BMX: variants seen among roughly 807,000 people sequenced by gnomAD.
BMX encodes the protein BMX non-receptor tyrosine kinase, also known as cytoplasmic tyrosine-protein kinase BMX.
A neutral mutation model predicts 59.2 loss-of-function variants in BMX; 31 were observed. The observed-to-expected ratio is 0.52, with a 90% confidence interval of 0.39 to 0.71. The LOEUF is 0.71. Ranked by LOEUF, BMX falls within the 30% of genes least tolerant of loss-of-function variation. The pLI, the probability that BMX is intolerant of heterozygous loss-of-function variation, is 0.00. For synonymous variants in BMX, 185 were observed against 181.0 expected (o/e 1.02, Z -0.18); for missense variants, 474 against 491.7 (o/e 0.96, Z 0.34).
rs183382930 is a variant in BMX at position 15,539,911 on chromosome X, T to A, written c.1395-2071T>A. 1.7e-3 allele frequency among the ~76,000 whole-genome samples: 186 copies of A among 112,109 alleles called. 2 individuals carry two copies. The highest frequency in any genetic ancestry group is 1.1e-3 in the East Asian group (4 of 3,534). ...TTCACGCCATTTAGAATGGCAATCA[T>A]TAAAAAGCCAGGAAACAACAGATGC... On this transcript the variant is annotated intron_variant, in intron 14 of 18. Transcript: ENST00000348343.
At chrX:15,539,430 C>T (rs772660582) in intron 14 of BMX, among the ~76,000 whole-genome samples, 1 of 111,169 alleles carries the variant, frequency 9.0e-6, no homozygotes, top group African/African-American at 3.3e-5. Context: ...TGGGCAGTGA[C>T]TGAATTTGTT....
chrX:15,504,847 G>T (rs1440496594), intron 1 of BMX, among the ~76,000 whole-genome samples: 1 of 111,777 alleles, frequency 8.9e-6, no homozygotes, highest in East Asian at 2.8e-4. Flanking sequence ...CAAATTGATA[G>T]GTCTATTCTA....
chrX:15,521,013 TCACA>T (rs1206885033), intron 6 of BMX, among the ~76,000 whole-genome samples: 1 of 107,234 alleles, frequency 9.3e-6, no homozygotes, highest in African/African-American at 3.8e-5. Flanking sequence ...TCTCTTTCTG[TCACA>T]CACGCACACA....
At chrX:15,554,788 C>T (rs757218197) in intron 18 of BMX, among the ~76,000 whole-genome samples, 21 of 111,328 alleles carry the variant, frequency 1.9e-4, no homozygotes, top group Non-Finnish European at 3.6e-4. Flanking sequence ...GTTGGCAGCC[C>T]TATTTATTAA....
At chrX:15,550,934 A>T (rs1432116657) in intron 18 of BMX, among the ~76,000 whole-genome samples, 5 of 111,324 alleles carry the variant, frequency 4.5e-5, no homozygotes, top group Non-Finnish European at 9.4e-5. Context: ...TTTCCTAAGT[A>T]TGTGAGTGGA....
chrX:15,508,747 C>T (rs927451698), intron 2 of BMX, among the ~76,000 whole-genome samples: 1 of 112,015 alleles, frequency 8.9e-6, no homozygotes, highest in African/African-American at 3.2e-5. Context: ...GGCATTTTTG[C>T]TCCCCAGGTG....
chrX:15,526,936 G>T (rs1183635216), intron 9 of BMX, among the ~76,000 whole-genome samples: 1 of 109,326 alleles, frequency 9.1e-6, no homozygotes, highest in Non-Finnish European at 1.9e-5. Flanking sequence ...GAGAAAAAGT[G>T]CACTATTAAA....
At chrX:15,533,091 C>T (rs768492834) in intron 11 of BMX, among the ~76,000 whole-genome samples, 7 of 112,726 alleles carry the variant, frequency 6.2e-5, no homozygotes, top group Non-Finnish European at 1.3e-4. Context: ...TGTATGCTGA[C>T]ACCAAAAGCT....
At chrX:15,531,044 C>T (rs1235061147) in intron 10 of BMX, among the ~76,000 whole-genome samples, 2 of 110,790 alleles carry the variant, frequency 1.8e-5, no homozygotes, top group African/African-American at 6.6e-5. Context: ...CGGTGATACA[C>T]GGTTCTAAAT....
At chrX:15,538,184 CCTCTTCCTCTCTCTCCTTCTCTCTCT>C (rs1416400669) in intron 14 of BMX, among the ~76,000 whole-genome samples, 109 of 107,358 alleles carry the variant, frequency 1.0e-3, no homozygotes, top group Non-Finnish European at 1.7e-3. Flanking sequence ...CCTCTCTCTC[CCTCTTCCTCTCTCTCCTTCTCTCTCT>C]CTCTCCCTCT....
At chrX:15,548,294 TA>T (rs1316017563) in intron 17 of BMX, among the ~76,000 whole-genome samples, 2 of 110,305 alleles carry the variant, frequency 1.8e-5, no homozygotes, top group African/African-American at 6.6e-5. Flanking sequence ...TCGTCTCTAC[TA>T]AAAACACAAA....
chrX:15,501,830 T>G (rs1014348524), intron 1 of BMX, among the ~76,000 whole-genome samples: 2 of 111,552 alleles, frequency 1.8e-5, no homozygotes, highest in Non-Finnish European at 3.8e-5. Context: ...GGATGGAAAG[T>G]CTGCGACAAA....
chrX:15,553,954 A>G (rs773343640), intron 18 of BMX, among the ~76,000 whole-genome samples: 3 of 112,456 alleles, frequency 2.7e-5, no homozygotes, highest in Non-Finnish European at 5.6e-5. Flanking sequence ...CACTGAGACG[A>G]CAATATCCAG....
At chrX:15,506,201 G>C (rs1327563459) in intron 1 of BMX, among the ~76,000 whole-genome samples, 1 of 111,528 alleles carries the variant, frequency 9.0e-6, no homozygotes, top group Non-Finnish European at 1.9e-5. Flanking sequence ...GCCCTGCCTA[G>C]GTGTGAAAGT....
chrX:15,518,089 A>C (rs1237167099), intron 6 of BMX, 96 bp downstream of exon 6: 15 of 706,778 alleles, frequency 2.1e-5, no homozygotes. Flanking sequence ...GAATTCATTT[A>C]GACTTCTCAG....
At chrX:15,531,464 C>A in intron 11 of BMX, 57 bp downstream of exon 11, 1 of 963,477 alleles carries the variant, frequency 1.0e-6, no homozygotes, top group Non-Finnish European at 1.5e-6. Flanking sequence ...TTTGAATATG[C>A]TGGTCACAAT....
intron 13 of BMX, 112 bp from the exon 14 acceptor site, chrX:15,537,022 C>A (rs1009678385): frequency 2.5e-6 from 2 of 790,053 alleles, no homozygotes; most frequent in East Asian, 3.2e-5. Flanking sequence ...AATAAAAAGT[C>A]TTGTTTATAT....
rs772258045 is a variant in BMX, at chrX:15,536,415, T to C, written c.1210T>C (p.Ser404Pro). ...GGCCAACAAGGTCCCCGACTCTGTG[T>C]CCCTGGGAAATGGTATGGATACATA... ...TKANKVPDSV[S>P]LGNGIWELKR... Residue 404 changes from serine (S) to proline (P), a missense_variant, in exon 13 of 19, where the codon TCC becomes CCC. By Grantham distance (74) the Ser-to-Pro change is moderately conservative. Transcript: ENST00000348343. 4 of 1,206,914 alleles carry C rather than the reference T, an allele frequency of 3.3e-6. No homozygotes were observed. The highest frequency in any genetic ancestry group is 4.5e-6 in the Non-Finnish European group (4 of 892,306).
At chrX:15,555,200 G>A (rs1257848186) in intron 18 of BMX, among the ~76,000 whole-genome samples, 2 of 48,890 alleles carry the variant, frequency 4.1e-5, no homozygotes, top group Non-Finnish European at 7.2e-5. Flanking sequence ...AACGAGGGAA[G>A]CTTTTTTTTT....
Sources: allele counts gnomAD v4.1 joint callset (sites outside exome capture counted in the v4.1 genomes callset), GRCh38; gene constraint gnomAD v4.1.1; transcripts MANE v1.5; gene names NCBI Gene and HGNC (gene_info 2026-07-23, HGNC 2026-07-21).